Variants in PDZD8 observed in about 807,000 individuals in gnomAD.
PDZD8 encodes the protein PDZ domain-containing protein 8.
In PDZD8, 14 loss-of-function variants were observed where a neutral mutation model predicts 85.8. The observed-to-expected ratio is 0.16, with a 90% CI of 0.11 to 0.26. The LOEUF (loss-of-function observed/expected upper bound fraction) is 0.26, where lower values mean the gene tolerates loss of function less well. Ranked by LOEUF, PDZD8 falls within the 10% of genes least tolerant of loss-of-function variation. The pLI, the probability that PDZD8 is intolerant of heterozygous loss-of-function variation, is 1.00. For missense variants in PDZD8, 1,197 were observed against 1,424.3 expected (o/e 0.84, Z 2.57); for synonymous variants, 592 against 568.6 (o/e 1.04, Z -0.59).
intron 2 of PDZD8, among the ~76,000 whole-genome samples, chr10:117,323,399 A>G (rs1009300288): frequency 3.9e-5 from 6 of 152,212 alleles, no homozygotes; most frequent in African/African-American, 1.4e-4. Flanking sequence ...TATTCAGTCT[A>G]CTACCGTTTG....
chr10:117,326,454 T>A (rs1469011513), intron 2 of PDZD8, among the ~76,000 whole-genome samples: 1 of 152,230 alleles, frequency 6.6e-6, no homozygotes. Flanking sequence ...CTCCTCATCA[T>A]AATGAGACTC....
At chr10:117,335,236 T>G (rs1844497223) in intron 2 of PDZD8, among the ~76,000 whole-genome samples, 1 of 152,106 alleles carries the variant, frequency 6.6e-6, no homozygotes, top group African/African-American at 2.4e-5. Flanking sequence ...AAGGAACAGA[T>G]GAAAGGAAAA....
At position 117,374,480 on chromosome 10, in the gene PDZD8, G is replaced by C. The variant is rs1181377202; in HGVS notation, c.748C>G (p.Leu250Val). Residue 250 changes from leucine to valine, a missense_variant, in exon 1 of 5, where the codon CTG becomes GTG. Coordinates refer to ENST00000334464, the MANE Select transcript of PDZD8 (RefSeq NM_173791.5). The surrounding 1 kb of genome is among the most constrained non-coding windows in gnomAD (Gnocchi z 7.8). ...HWFFSFVEDP[L>V]IDFEVRSQFE... ...TGGGAGCGCACCTCGAAGTCGATCAGCGGGTCTTCCACGAAGGAGAAGAAC... is the reference window on the plus strand; with the variant it reads ...TGGGAGCGCACCTCGAAGTCGATCACCGGGTCTTCCACGAAGGAGAAGAAC... 3.7e-6 allele frequency: 6 copies of C among 1,614,062 alleles called. No individual in the cohort carries two copies. Among genetic ancestry groups the C allele is most frequent in the Non-Finnish European group, 5.1e-6 (6 of 1,179,956 alleles).
rs1006219057 is a variant in PDZD8, at chr10:117,341,071, G to C, written c.904C>G (p.Gln302Glu). ...FKPFFPYQTLQGFEEDEEHIH... is the reference protein window; with the variant it reads ...FKPFFPYQTLEGFEEDEEHIH... Reference sequence around the variant, plus strand: ...TGCTCTTCATCTTCTTCAAATCCTTGCAAGGTCTGGTATGGAAAAAACGGC... The same window carrying C: ...TGCTCTTCATCTTCTTCAAATCCTTCCAAGGTCTGGTATGGAAAAAACGGC... Residue 302 changes from glutamine (Q) to glutamate (E), a missense_variant, in exon 2 of 5, where the codon CAA becomes GAA. Coordinates refer to ENST00000334464, the MANE Select transcript of PDZD8 (RefSeq NM_173791.5). 1 of 1,613,558 alleles carries C rather than the reference G, an allele frequency of 6.2e-7. No homozygotes were observed. The highest frequency in any genetic ancestry group is 8.5e-7 in the Non-Finnish European group (1 of 1,179,576).
At chr10:117,347,408 G>A (rs1196282035) in intron 1 of PDZD8, among the ~76,000 whole-genome samples, 1 of 152,056 alleles carries the variant, frequency 6.6e-6, no homozygotes, top group Non-Finnish European at 1.5e-5. Flanking sequence ...CCTATAAGCT[G>A]GAAGATGCCC....
intron 2 of PDZD8, among the ~76,000 whole-genome samples, chr10:117,339,656 C>T (rs1844577101): frequency 6.6e-6 from 1 of 152,214 alleles, no homozygotes; most frequent in Non-Finnish European, 1.5e-5. Flanking sequence ...TGGCACACAG[C>T]CACATTCATT....
chr10:117,312,275 T>C (rs542067645), intron 3 of PDZD8, among the ~76,000 whole-genome samples: 13 of 152,096 alleles, frequency 8.5e-5, no homozygotes, highest in Admixed American at 4.6e-4. Flanking sequence ...AGTGAAAGCA[T>C]GGCTAAACTG....
At chr10:117,369,913 T>C (rs1845160115) in intron 1 of PDZD8, among the ~76,000 whole-genome samples, 1 of 152,176 alleles carries the variant, frequency 6.6e-6, no homozygotes, top group Non-Finnish European at 1.5e-5. Context: ...TGCTTGTCTA[T>C]ATACAATAAT....
At chr10:117,340,497 T>C (rs933051734) in intron 2 of PDZD8, among the ~76,000 whole-genome samples, 1 of 152,226 alleles carries the variant, frequency 6.6e-6, no homozygotes, top group Non-Finnish European at 1.5e-5. Flanking sequence ...TTCCATCCAC[T>C]GATCCCACAT....
chr10:117,367,559 TAATTC>T (rs1376374502), intron 1 of PDZD8, among the ~76,000 whole-genome samples: 1 of 152,186 alleles, frequency 6.6e-6, no homozygotes, highest in African/African-American at 2.4e-5. Flanking sequence ...GAAATTAAAA[TAATTC>T]AAAGCAGCTG....
At chr10:117,294,763 A>G (rs1302249197) in intron 3 of PDZD8, among the ~76,000 whole-genome samples, 1 of 152,200 alleles carries the variant, frequency 6.6e-6, no homozygotes, top group Admixed American at 6.5e-5. Flanking sequence ...CAGGCAGAGA[A>G]GGACAAATAC....
chr10:117,317,766 A>T (rs950503033), intron 3 of PDZD8, among the ~76,000 whole-genome samples: 2 of 152,214 alleles, frequency 1.3e-5, no homozygotes, highest in African/African-American at 4.8e-5. Context: ...TATAACATAA[A>T]GAAGGTTGGG....
At chr10:117,334,838 GA>G (rs1797453027) in intron 2 of PDZD8, among the ~76,000 whole-genome samples, 1 of 151,702 alleles carries the variant, frequency 6.6e-6, no homozygotes, top group African/African-American at 2.4e-5. Context: ...AGTACACAGA[GA>G]AAAAGAATTT....
chr10:117,354,613 C>T (rs940298078), intron 1 of PDZD8, among the ~76,000 whole-genome samples: 1 of 152,132 alleles, frequency 6.6e-6, no homozygotes, highest in Non-Finnish European at 1.5e-5. Context: ...AAGTTAGATA[C>T]TCAGATACTG....
At chr10:117,339,128 C>CAAA (rs71013660) in intron 2 of PDZD8, among the ~76,000 whole-genome samples, 3 of 129,434 alleles carry the variant, frequency 2.3e-5, no homozygotes, top group African/African-American at 9.0e-5. Flanking sequence ...TGGACTTAAC[C>CAAA]AAAAAAAAAA....
At position 117,279,671 on chromosome 10, in the gene PDZD8, A is replaced by G. The variant is rs1404600594; in HGVS notation, c.*3597T>C. 2 of 152,220 alleles carry G rather than the reference A, an allele frequency of 1.3e-5. No individual in the cohort carries two copies. The highest frequency in any genetic ancestry group is 2.9e-5 in the Non-Finnish European group (2 of 68,040). The allele number at this position is 152,220 out of a possible 1,614,324, so 9.4% of individuals were successfully genotyped here. ...AAACCAGGAAGTTATCCTTCCATCT[A>G]TAAACATTGTTGTCCTGATGGTTGT... is the stretch of plus-strand genomic sequence containing the variant. On this transcript the variant is annotated 3_prime_UTR_variant, in exon 5 of 5. Transcript: ENST00000334464.
chr10:117,312,227 G>A (rs1374804452), intron 3 of PDZD8, among the ~76,000 whole-genome samples: 1 of 152,088 alleles, frequency 6.6e-6, no homozygotes, highest in Non-Finnish European at 1.5e-5. Context: ...CATGTACCAT[G>A]GCTGTGTAGA....
chr10:117,298,884 C>G (rs920812311), intron 3 of PDZD8, among the ~76,000 whole-genome samples: 1 of 152,044 alleles, frequency 6.6e-6, no homozygotes, highest in African/African-American at 2.4e-5. Context: ...TAGCAGTCAG[C>G]CCTCCATATC....
chr10:117,366,695 T>C (rs1845096986), intron 1 of PDZD8, among the ~76,000 whole-genome samples: 1 of 152,160 alleles, frequency 6.6e-6, no homozygotes, highest in African/African-American at 2.4e-5. Context: ...AGCAGCTAGT[T>C]TGCAGACCCC....
Sources: allele counts gnomAD v4.1 joint callset (sites outside exome capture counted in the v4.1 genomes callset), GRCh38; gene constraint gnomAD v4.1.1; non-coding constraint Gnocchi (gnomAD v3.1); transcripts MANE v1.5; gene names NCBI Gene and HGNC (gene_info 2026-07-23, HGNC 2026-07-21).